GLRA2: variants seen among roughly 807,000 people sequenced by gnomAD.
GLRA2 encodes glycine receptor subunit alpha-2.
GLRA2 carries 11 observed loss-of-function variants against 31.6 expected under a neutral mutation model. The ratio of observed to expected loss-of-function variants is 0.35; its 90% CI spans 0.22 to 0.58. The LOEUF is 0.58. GLRA2 is among the 20% of genes least tolerant of loss of function. The probability of loss-of-function intolerance (pLI) is 0.84; values close to 1 mark genes in which losing one functional copy is unlikely to be tolerated. For synonymous variants in GLRA2, 132 were observed against 134.0 expected (o/e 0.99, Z 0.10); for missense variants, 212 against 351.8 (o/e 0.60, Z 3.18).
chrX:14,690,295 A>C (rs987051547), intron 7 of GLRA2, among the ~76,000 whole-genome samples: 6 of 112,244 alleles, frequency 5.3e-5, no homozygotes, highest in Non-Finnish European at 1.1e-4. Flanking sequence ...ATTATTTTTA[A>C]TTGATAAGTA....
chrX:14,703,834 C>T (rs755371645), intron 8 of GLRA2, among the ~76,000 whole-genome samples: 1 of 111,711 alleles, frequency 9.0e-6, no homozygotes, highest in South Asian at 3.9e-4. Flanking sequence ...CATTTGGCAA[C>T]CATGGTCACC....
intron 2 of GLRA2, among the ~76,000 whole-genome samples, chrX:14,544,540 C>A (rs190980266): frequency 9.0e-6 from 1 of 111,264 alleles, no homozygotes; most frequent in East Asian, 2.8e-4. Context: ...TAAATCTATA[C>A]CAAAAATCTC....
intron 3 of GLRA2, among the ~76,000 whole-genome samples, chrX:14,580,234 G>C (rs2090001205): frequency 8.9e-6 from 1 of 111,981 alleles, no homozygotes; most frequent in South Asian, 3.7e-4. Flanking sequence ...AGCAAGTAAG[G>C]GTAAAAAATG....
chrX:14,534,795 C>G (rs765716786), intron 2 of GLRA2, among the ~76,000 whole-genome samples: 1 of 109,898 alleles, frequency 9.1e-6, no homozygotes, highest in South Asian at 3.9e-4. Context: ...AGGGTGGTAA[C>G]TTTTGAGAGA....
rs3027314 is a variant in GLRA2 at position 14,529,911 on chromosome X, A to T, written c.-147A>T. ...CTGGCACTTTTTCTTTTTTCTCAGCAAACTGTACAAAACCAAATCTCTTTT... is the reference window on the plus strand; with the variant it reads ...CTGGCACTTTTTCTTTTTTCTCAGCTAACTGTACAAAACCAAATCTCTTTT... On this transcript the variant is annotated 5_prime_UTR_variant, in exon 1 of 9. Coordinates refer to ENST00000218075, the MANE Select transcript of GLRA2 (RefSeq NM_002063.4). 7.6e-3 allele frequency: 3,893 copies of T among 508,906 alleles called. 108 individuals are homozygous for T. In the African/African-American group the frequency reaches 0.078, roughly 10 times the overall value. 41.9% of individuals were successfully genotyped at this position (508,906 alleles called of 1,213,427 possible).
At chrX:14,580,190 AC>A (rs2090000740) in intron 3 of GLRA2, among the ~76,000 whole-genome samples, 1 of 112,167 alleles carries the variant, frequency 8.9e-6, no homozygotes, top group African/African-American at 3.2e-5. Context: ...GTAAACAATG[AC>A]CAAAAATCCA....
the GLRA2 span, among the ~76,000 whole-genome samples, chrX:14,517,528 C>T: frequency 9.0e-6 from 1 of 111,363 alleles, no homozygotes; most frequent in Admixed American, 9.6e-5. Flanking sequence ...AGGGGAAAGC[C>T]CCCTATAAAA....
chrX:14,496,306 G>T, the GLRA2 span, among the ~76,000 whole-genome samples: 3 of 111,680 alleles, frequency 2.7e-5, no homozygotes, highest in East Asian at 5.6e-4. Flanking sequence ...TTCTAGAATT[G>T]ACAGTCATCT....
At chrX:14,632,921 G>T (rs1601785704) in intron 7 of GLRA2, among the ~76,000 whole-genome samples, 1 of 111,652 alleles carries the variant, frequency 9.0e-6, no homozygotes, top group South Asian at 3.7e-4. Flanking sequence ...TAGTACAAGA[G>T]TCAGCAAACA....
At chrX:14,720,611 G>A (rs750080595) in intron 8 of GLRA2, among the ~76,000 whole-genome samples, 8 of 111,674 alleles carry the variant, frequency 7.2e-5, no homozygotes, top group African/African-American at 2.3e-4. Flanking sequence ...ATCCTTGTTT[G>A]GGGGATATAT....
the GLRA2 span, among the ~76,000 whole-genome samples, chrX:14,460,448 A>T: frequency 0.05 from 5,637 of 111,679 alleles, 344 homozygotes; most frequent in African/African-American, 0.17. Context: ...GAAGGAATGG[A>T]ACCAGCTCCT....
At chrX:14,655,414 G>C (rs1000661911) in intron 7 of GLRA2, among the ~76,000 whole-genome samples, 2 of 111,273 alleles carry the variant, frequency 1.8e-5, no homozygotes, top group African/African-American at 6.5e-5. Context: ...ATCTGGGCGA[G>C]GTCACCTGTA....
intron 8 of GLRA2, among the ~76,000 whole-genome samples, chrX:14,698,159 T>C (rs1318710443): frequency 9.0e-6 from 1 of 111,640 alleles, no homozygotes; most frequent in Non-Finnish European, 1.9e-5. Context: ...TTATTTTTTA[T>C]TTAATGTTTT....
At chrX:14,634,309 T>A (rs775808402) in intron 7 of GLRA2, among the ~76,000 whole-genome samples, 1 of 112,050 alleles carries the variant, frequency 8.9e-6, no homozygotes, top group Admixed American at 9.4e-5. Flanking sequence ...AAACCTGAAA[T>A]AACTAACAGT....
Position 14,611,945 on chromosome X carries a change from CAG to C in GLRA2, c.930+2742_930+2743del, listed in dbSNP as rs2090402434. Among the ~76,000 whole-genome samples, 3 of 111,839 alleles carry C rather than the reference CAG, an allele frequency of 2.7e-5. No homozygotes were observed. In the Admixed American group the frequency reaches 2.9e-4, roughly 11 times the overall value. On this transcript the variant is annotated intron_variant, in intron 7 of 8. Coordinates refer to ENST00000218075, the MANE Select transcript of GLRA2 (RefSeq NM_002063.4). ...TTACTTTTGTACCAACCTAGTAGAT[CAG>C]ACTTGAAGCAGAATCCATGGGTGAA...
chrX:14,600,911 A>C (rs2090262668), intron 4 of GLRA2, among the ~76,000 whole-genome samples: 1 of 111,200 alleles, frequency 9.0e-6, no homozygotes, highest in South Asian at 3.8e-4. Context: ...AATAGAAAAA[A>C]AATAGATTCT....
intron 7 of GLRA2, among the ~76,000 whole-genome samples, chrX:14,679,340 C>T (rs145020325): frequency 0.037 from 4,079 of 109,632 alleles, 80 homozygotes; most frequent in Non-Finnish European, 0.06. Flanking sequence ...GCCAAGAAGA[C>T]GGAAGGTAAA....
At chrX:14,509,022 T>G in the GLRA2 span, among the ~76,000 whole-genome samples, 8 of 111,648 alleles carry the variant, frequency 7.2e-5, no homozygotes, top group Non-Finnish European at 1.5e-4. Context: ...ACCCCTCACT[T>G]CTCTCACTCC....
intron 7 of GLRA2, among the ~76,000 whole-genome samples, chrX:14,659,346 C>A (rs2090970094): frequency 8.9e-6 from 1 of 111,880 alleles, no homozygotes; most frequent in African/African-American, 3.2e-5. Flanking sequence ...CAGGCCAATT[C>A]ACCAAAAATC....
Sources: gnomAD v4.1 joint callset for allele counts (sites outside exome capture counted in the v4.1 genomes callset) on GRCh38, gnomAD v4.1.1 for gene constraint, MANE v1.5 for transcripts, NCBI Gene and HGNC (gene_info 2026-07-23, HGNC 2026-07-21) for gene names.